PCDH15: variants seen among roughly 807,000 people sequenced by gnomAD.
PCDH15 encodes the protein protocadherin-15.
A neutral mutation model predicts 178.5 loss-of-function variants in PCDH15; 129 were observed. The observed-to-expected ratio is 0.72, with a 90% CI of 0.63 to 0.84. PCDH15 has a LOEUF of 0.84. PCDH15 is among the 40% of genes least tolerant of loss of function. PCDH15 has a pLI of 0.00. For synonymous variants in PCDH15, 800 were observed against 732.0 expected, an observed-to-expected ratio of 1.09 and a Z score of -1.50; for missense variants, 2,230 against 2,099.9, an observed-to-expected ratio of 1.06 and a Z score of -1.21.
intron 26 of PCDH15, among the ~76,000 whole-genome samples, chr10:53,896,571 C>G (rs10740557): frequency 0.64 from 97,453 of 151,576 alleles, 32,384 homozygotes; most frequent in East Asian, 0.87. Context: ...ACAGGGGTCC[C>G]CAACCCTCAG....
chr10:55,621,734 C>T (rs1456782627), intron 2 of PCDH15, among the ~76,000 whole-genome samples: 1 of 151,514 alleles, frequency 6.6e-6, no homozygotes, highest in Non-Finnish European at 1.5e-5. Context: ...TTTTCTTCCA[C>T]AAAACTGGTC....
At chr10:55,531,758 G>A (rs2132064258) in intron 2 of PCDH15, among the ~76,000 whole-genome samples, 1 of 152,118 alleles carries the variant, frequency 6.6e-6, no homozygotes, top group Middle Eastern at 3.4e-3. Flanking sequence ...ATGTCAATGA[G>A]AAACTACTAA....
At chr10:55,518,219 C>T (rs1386409140) in intron 2 of PCDH15, among the ~76,000 whole-genome samples, 1 of 152,060 alleles carries the variant, frequency 6.6e-6, no homozygotes. Context: ...TCTTTAAAGT[C>T]CCAATCACCT....
At chr10:55,415,134 C>T (rs1838446271) in intron 2 of PCDH15, among the ~76,000 whole-genome samples, 1 of 151,476 alleles carries the variant, frequency 6.6e-6, no homozygotes, top group African/African-American at 2.4e-5. Context: ...TGATGTGAAA[C>T]TTTATCAAAT....
chr10:54,295,195 C>T (rs938478193), intron 8 of PCDH15, among the ~76,000 whole-genome samples: 8 of 152,168 alleles, frequency 5.3e-5, no homozygotes, highest in Non-Finnish European at 1.2e-4. Flanking sequence ...ACTTTTGTGT[C>T]TAGCTAAAGG....
intron 2 of PCDH15, among the ~76,000 whole-genome samples, chr10:55,422,936 T>G (rs1838658908): frequency 6.6e-6 from 1 of 151,938 alleles, no homozygotes; most frequent in South Asian, 2.1e-4. Context: ...AATAACATAT[T>G]GCTGATACAC....
chr10:54,356,593 C>T (rs1314411714), intron 5 of PCDH15, among the ~76,000 whole-genome samples: 1 of 151,238 alleles, frequency 6.6e-6, no homozygotes, highest in Non-Finnish European at 1.5e-5. Context: ...ATCATACACA[C>T]AAAAATCTAC....
intron 3 of PCDH15, among the ~76,000 whole-genome samples, chr10:54,893,608 TA>T (rs1954500509): frequency 6.6e-6 from 1 of 151,948 alleles, no homozygotes; most frequent in African/African-American, 2.4e-5. Flanking sequence ...GTTTAAAAAT[TA>T]AAACAATAAA....
At chr10:53,989,702 G>A (rs1278927166) in intron 21 of PCDH15, among the ~76,000 whole-genome samples, 1 of 152,104 alleles carries the variant, frequency 6.6e-6, no homozygotes, top group Non-Finnish European at 1.5e-5. Flanking sequence ...ACTGAGCTGT[G>A]TATATTCCCT....
chr10:53,944,726 G>T (rs564651021), intron 23 of PCDH15, among the ~76,000 whole-genome samples: 1 of 152,302 alleles, frequency 6.6e-6, no homozygotes, highest in South Asian at 2.1e-4. Flanking sequence ...GCTTGAGATA[G>T]ATACCAACTA....
intron 6 of PCDH15, among the ~76,000 whole-genome samples, chr10:54,330,603 C>T (rs1392563917): frequency 6.6e-6 from 1 of 151,606 alleles, no homozygotes; most frequent in East Asian, 1.9e-4. Context: ...TTTTAGGTTC[C>T]ACAACTTCTG....
intron 2 of PCDH15, among the ~76,000 whole-genome samples, chr10:55,526,815 C>A (rs948577906): frequency 2.0e-5 from 3 of 151,998 alleles, no homozygotes; most frequent in African/African-American, 7.2e-5. Flanking sequence ...GGACTTTCAA[C>A]TTCTCAGAGT....
chr10:53,827,705 T>C (rs558482104), intron 31 of PCDH15, among the ~76,000 whole-genome samples, 157 bp from the exon 32 acceptor site: 119 of 152,294 alleles, frequency 7.8e-4, no homozygotes, highest in African/African-American at 2.6e-3. Context: ...TACAAAAGCA[T>C]CCCCACAGGG....
chr10:54,661,168 C>A (rs1370016403), intron 2 of PCDH15, among the ~76,000 whole-genome samples: 1 of 152,008 alleles, frequency 6.6e-6, no homozygotes, highest in Non-Finnish European at 1.5e-5. Context: ...CCAAAAGATT[C>A]TTTTACCTGA....
chr10:54,326,361 A>G (rs550975997), intron 7 of PCDH15, among the ~76,000 whole-genome samples: 9 of 152,322 alleles, frequency 5.9e-5, no homozygotes, highest in African/African-American at 1.9e-4. Context: ...ATGTGAATAT[A>G]TATGTACAAA....
intron 1 of PCDH15, among the ~76,000 whole-genome samples, chr10:55,241,676 G>T (rs1219438739): frequency 1.3e-5 from 2 of 152,078 alleles, no homozygotes; most frequent in Non-Finnish European, 2.9e-5. Flanking sequence ...TCCTGCCTTG[G>T]CCTCCCAAAG....
chr10:54,278,680 C>A (rs536260146), intron 8 of PCDH15, among the ~76,000 whole-genome samples: 1 of 151,628 alleles, frequency 6.6e-6, no homozygotes, highest in African/African-American at 2.4e-5. Context: ...GAGTTGAGAT[C>A]ATTTTGTCAG....
intron 2 of PCDH15, among the ~76,000 whole-genome samples, chr10:54,968,600 G>T (rs1364535874): frequency 6.6e-6 from 1 of 151,902 alleles, no homozygotes; most frequent in Non-Finnish European, 1.5e-5. Flanking sequence ...ATTATGATGT[G>T]TCTTACTGAA....
intron 3 of PCDH15, among the ~76,000 whole-genome samples, chr10:54,387,278 A>G (rs1223929337): frequency 1.3e-5 from 2 of 152,150 alleles, no homozygotes; most frequent in African/African-American, 2.4e-5. Context: ...TTACATACCC[A>G]TGTTCCTGGC....
Sources: allele counts gnomAD v4.1 joint callset (sites outside exome capture counted in the v4.1 genomes callset), GRCh38; gene constraint gnomAD v4.1.1; transcripts MANE v1.5; gene names NCBI Gene and HGNC (gene_info 2026-07-23, HGNC 2026-07-21).